NPAS2: variants seen among roughly 807,000 people sequenced by gnomAD.
NPAS2 encodes the protein neuronal PAS domain-containing protein 2.
NPAS2 carries 23 observed loss-of-function variants against 107.5 expected under a neutral mutation model. The ratio of observed to expected loss-of-function variants is 0.21; its 90% CI spans 0.15 to 0.30. NPAS2 has a LOEUF of 0.30. NPAS2 is among the 10% of genes least tolerant of loss of function. NPAS2 has a pLI of 1.00. For synonymous variants in NPAS2, 403 were observed against 417.5 expected, an observed-to-expected ratio of 0.97 and a Z score of 0.42; for missense variants, 756 against 1,043.3, an observed-to-expected ratio of 0.72 and a Z score of 3.79.
At position 100,917,738 on chromosome 2, in the gene NPAS2, G is replaced by A. The variant is rs186116631; in HGVS notation, c.33-7408G>A. On this transcript the variant is annotated intron_variant, in intron 2 of 20. Transcript: ENST00000335681. Reference sequence around the variant, plus strand: ...AATGGGCCAATTACTTAAAAACCACGACTACCAAACTCACAAAAGATGAAC... The same window carrying A: ...AATGGGCCAATTACTTAAAAACCACAACTACCAAACTCACAAAAGATGAAC... Among the ~76,000 whole-genome samples, 437 of 152,096 alleles carry A rather than the reference G, an allele frequency of 2.9e-3. 5 individuals are homozygous for A. Among genetic ancestry groups the A allele is most frequent in the South Asian group, 2.5e-3 (12 of 4,822 alleles).
At position 100,935,404 on chromosome 2, in the gene NPAS2, C is replaced by A. The variant is rs924668882; in HGVS notation, c.274-2349C>A. 2.0e-5 allele frequency among the ~76,000 whole-genome samples: 3 copies of A among 152,196 alleles called. No individual in the cohort carries two copies. The South Asian group carries it at 6.2e-4, about 31-fold the overall frequency. On this transcript the variant is annotated intron_variant, in intron 4 of 20. Transcript: ENST00000335681. ...GGCCATTATGGCACCTTTGGAAACA[C>A]CCCAGTCAAAATCACCATTCCATGG...
chr2:100,903,070 C>T (rs533221635), intron 1 of NPAS2, among the ~76,000 whole-genome samples: 1 of 152,374 alleles, frequency 6.6e-6, no homozygotes, highest in South Asian at 2.1e-4. Context: ...CAACCCTGGT[C>T]ATCCAAACAG....
At chr2:100,984,143 T>G (rs1677639909) in intron 16 of NPAS2, 2 of 152,218 alleles carry the variant, frequency 1.3e-5, no homozygotes. Flanking sequence ...CACCCTCCGG[T>G]GCCTTCCTGC....
intron 6 of NPAS2, 83 bp downstream of exon 6, chr2:100,948,438 A>T: frequency 1.6e-6 from 2 of 1,239,070 alleles, no homozygotes; most frequent in Non-Finnish European, 2.2e-6. Flanking sequence ...TTAAGAAGGG[A>T]GAACTAATTT....
At chr2:100,852,351 C>T (rs1243898445) in intron 1 of NPAS2, among the ~76,000 whole-genome samples, 5 of 151,854 alleles carry the variant, frequency 3.3e-5, no homozygotes, top group East Asian at 1.9e-4. Context: ...GAGCTGAGAT[C>T]GCACCACTGC....
chr2:100,890,318 A>G (rs547958885), intron 1 of NPAS2, among the ~76,000 whole-genome samples: 6 of 152,304 alleles, frequency 3.9e-5, no homozygotes, highest in Non-Finnish European at 7.4e-5. Flanking sequence ...AAGGCCCCTC[A>G]TCATCTCTGA....
chr2:100,883,040 A>C (rs1459544897), intron 1 of NPAS2, among the ~76,000 whole-genome samples: 1 of 152,136 alleles, frequency 6.6e-6, no homozygotes, highest in East Asian at 1.9e-4. Context: ...ACTTGAAATC[A>C]CTTGTGTCCC....
intron 16 of NPAS2, chr2:100,985,321 C>G (rs1289120894): frequency 1.3e-5 from 2 of 152,990 alleles, no homozygotes; most frequent in East Asian, 3.8e-4. Flanking sequence ...TTCTGCCCGT[C>G]CTTTCTTCCT....
intron 1 of NPAS2, among the ~76,000 whole-genome samples, chr2:100,825,148 A>G (rs1676296805): frequency 6.6e-6 from 1 of 152,242 alleles, no homozygotes; most frequent in Admixed American, 6.5e-5. Flanking sequence ...GCCCATCTAA[A>G]GACAGACAGG....
At chr2:100,920,780 C>T (rs1204699360) in intron 2 of NPAS2, among the ~76,000 whole-genome samples, 1 of 152,212 alleles carries the variant, frequency 6.6e-6, no homozygotes, top group Non-Finnish European at 1.5e-5. Flanking sequence ...CTTGTGCGTA[C>T]GTGTTCTTGG....
intron 1 of NPAS2, among the ~76,000 whole-genome samples, chr2:100,879,128 A>T (rs1002719507): frequency 6.6e-6 from 1 of 152,152 alleles, no homozygotes. Flanking sequence ...AAAAGAAAAA[A>T]AAAAAAAGCC....
rs558213423 is a variant in NPAS2 at position 100,866,983 on chromosome 2, C to T, written c.-22-37750C>T. Among the ~76,000 whole-genome samples, 18 of 152,316 alleles carry T rather than the reference C, an allele frequency of 1.2e-4. No homozygotes were observed. The South Asian group carries it at 3.5e-3, about 30-fold the overall frequency. On this transcript the variant is annotated intron_variant, in intron 1 of 20. Transcript: ENST00000335681. ...ACACCATTTTAAAGAGAGTCATTTA[C>T]AGGTTAGTTAATTTATTTTGTAGCC...
intron 1 of NPAS2, among the ~76,000 whole-genome samples, chr2:100,850,908 G>A (rs1435093619): frequency 1.7e-5 from 2 of 118,606 alleles, no homozygotes; most frequent in Admixed American, 1.1e-4. Context: ...AGCCAAGATC[G>A]CACCATTGTA....
intron 15 of NPAS2, among the ~76,000 whole-genome samples, chr2:100,981,773 G>A (rs760213597): frequency 1.3e-5 from 2 of 152,070 alleles, no homozygotes; most frequent in African/African-American, 4.8e-5. Flanking sequence ...GATAACGACC[G>A]GACCCAAAAA....
chr2:100,886,732 G>T (rs545646770), intron 1 of NPAS2, among the ~76,000 whole-genome samples: 1 of 152,260 alleles, frequency 6.6e-6, no homozygotes, highest in East Asian at 1.9e-4. Flanking sequence ...TTCATAAATG[G>T]TAGATTTCCC....
intron 12 of NPAS2, among the ~76,000 whole-genome samples, chr2:100,974,112 G>A (rs1036822827): frequency 2.2e-4 from 34 of 152,354 alleles, no homozygotes; most frequent in African/African-American, 7.7e-4. Context: ...AAAGAGCTGG[G>A]ATTACAGGCG....
rs1573736681 is a variant in NPAS2, at chr2:100,964,301, C to G, written c.717+125C>G. 28 of 750,132 alleles carry G rather than the reference C, an allele frequency of 3.7e-5. No individual in the cohort carries two copies. The East Asian group carries it at 6.4e-4, about 17-fold the overall frequency. 46.5% of individuals were successfully genotyped at this position (750,132 alleles called of 1,614,324 possible). On this transcript the variant is annotated intron_variant, in intron 8 of 20. Coordinates refer to ENST00000335681, the MANE Select transcript of NPAS2 (RefSeq NM_002518.4). ...TGAAGTTGTCACTGGCTTTGAAAAT[C>G]GAAGTGTCTGGCTTCTGTGCCTGCA...
intron 13 of NPAS2, 65 bp downstream of exon 13, chr2:100,975,009 A>G: frequency 6.3e-7 from 1 of 1,576,962 alleles, no homozygotes; most frequent in Non-Finnish European, 8.7e-7. Flanking sequence ...AGCCCCACAG[A>G]GGGTCCCGGG....
intron 1 of NPAS2, among the ~76,000 whole-genome samples, chr2:100,881,678 T>A (rs1680352287): frequency 6.6e-6 from 1 of 151,428 alleles, no homozygotes; most frequent in Non-Finnish European, 1.5e-5. Flanking sequence ...AGAGTGAGAC[T>A]TCATCTCAAA....
Sources: gnomAD v4.1 joint callset for allele counts (sites outside exome capture counted in the v4.1 genomes callset) on GRCh38, gnomAD v4.1.1 for gene constraint, MANE v1.5 for transcripts, NCBI Gene and HGNC (gene_info 2026-07-23, HGNC 2026-07-21) for gene names.